The following MLLT3 variants were observed in gnomAD, a reference collection of about 807,000 sequenced individuals.
MLLT3 encodes protein AF-9.
In MLLT3, 4 loss-of-function variants were observed where a neutral mutation model predicts 53.2. The ratio of observed to expected loss-of-function variants is 0.08; its 90% CI spans 0.04 to 0.17. The LOEUF is 0.17. Among genes scored for constraint, MLLT3 ranks in the 10% least tolerant of loss-of-function variants. The probability of loss-of-function intolerance (pLI) is 1.00; values close to 1 mark genes in which losing one functional copy is unlikely to be tolerated. For missense variants in MLLT3, 569 were observed against 684.0 expected, an observed-to-expected ratio of 0.83 and a Z score of 1.87; for synonymous variants, 283 against 230.6, an observed-to-expected ratio of 1.23 and a Z score of -2.06.
At chr9:20,377,063 C>T (rs1196611830) in intron 5 of MLLT3, among the ~76,000 whole-genome samples, 1 of 151,912 alleles carries the variant, frequency 6.6e-6, no homozygotes, top group Non-Finnish European at 1.5e-5. Flanking sequence ...TTGAGAGTGA[C>T]GGGTAGAGAA....
intron 2 of MLLT3, among the ~76,000 whole-genome samples, chr9:20,613,115 T>G (rs558455512): frequency 1.3e-5 from 2 of 152,098 alleles, no homozygotes; most frequent in Non-Finnish European, 2.9e-5. Context: ...TGGCTCTTTA[T>G]AGATGAAATG....
intron 5 of MLLT3, among the ~76,000 whole-genome samples, chr9:20,393,658 C>T (rs1822247275): frequency 6.6e-6 from 1 of 152,160 alleles, no homozygotes. Flanking sequence ...ACTCCAACAG[C>T]TATGCCTTAC....
At chr9:20,514,168 G>A (rs1037544087) in intron 2 of MLLT3, among the ~76,000 whole-genome samples, 2 of 152,198 alleles carry the variant, frequency 1.3e-5, no homozygotes, top group Non-Finnish European at 2.9e-5. Flanking sequence ...TGGAAGTGTA[G>A]GGGTGTACAT....
At chr9:20,523,695 T>C (rs900728515) in intron 2 of MLLT3, among the ~76,000 whole-genome samples, 1 of 151,994 alleles carries the variant, frequency 6.6e-6, no homozygotes, top group Non-Finnish European at 1.5e-5. Flanking sequence ...ATGGGCCGGA[T>C]GGGGTGGCTC....
At chr9:20,384,224 T>C (rs1304219548) in intron 5 of MLLT3, among the ~76,000 whole-genome samples, 2 of 152,146 alleles carry the variant, frequency 1.3e-5, no homozygotes, top group East Asian at 3.9e-4. Context: ...GCAGAAATAT[T>C]TGTCTGTAGT....
chr9:20,526,753 C>A (rs757620831), intron 2 of MLLT3, among the ~76,000 whole-genome samples: 59 of 152,182 alleles, frequency 3.9e-4, no homozygotes, highest in Non-Finnish European at 7.4e-4. Flanking sequence ...GTGCTCACAT[C>A]AATTTACATT....
chr9:20,443,153 G>A (rs1823595819), intron 4 of MLLT3, among the ~76,000 whole-genome samples: 1 of 151,870 alleles, frequency 6.6e-6, no homozygotes, highest in Non-Finnish European at 1.5e-5. Context: ...AAGAAAGAAA[G>A]GCAGCAGGAA....
intron 5 of MLLT3, among the ~76,000 whole-genome samples, chr9:20,366,365 G>A (rs993130100): frequency 2.0e-5 from 3 of 152,184 alleles, no homozygotes; most frequent in African/African-American, 7.2e-5. Context: ...TCCCTGCAAA[G>A]GACATGAACT....
chr9:20,553,521 C>G (rs1228258338), intron 2 of MLLT3, among the ~76,000 whole-genome samples: 3 of 152,200 alleles, frequency 2.0e-5, no homozygotes, highest in Non-Finnish European at 2.9e-5. Flanking sequence ...ATTCAACAAA[C>G]ACACTGAACA....
At chr9:20,408,853 A>G (rs979446908) in intron 5 of MLLT3, among the ~76,000 whole-genome samples, 3 of 152,306 alleles carry the variant, frequency 2.0e-5, no homozygotes, top group African/African-American at 7.2e-5. Flanking sequence ...GAAATGAGAA[A>G]CAACAAAAGA....
chr9:20,384,524 A>G (rs928745594), intron 5 of MLLT3, among the ~76,000 whole-genome samples: 7 of 152,102 alleles, frequency 4.6e-5, no homozygotes, highest in Non-Finnish European at 7.4e-5. Flanking sequence ...GTCAATGTTA[A>G]TGTTATCCAA....
chr9:20,383,552 C>T (rs1049058143), intron 5 of MLLT3, among the ~76,000 whole-genome samples: 5 of 151,744 alleles, frequency 3.3e-5, no homozygotes, highest in African/African-American at 7.3e-5. Context: ...CAATTCATAT[C>T]GCTAATGTTA....
rs1306826467 is a variant in MLLT3 at position 20,521,729 on chromosome 9, T to C, written c.194-64943A>G. On this transcript the variant is annotated intron_variant, in intron 2 of 10. Coordinates refer to ENST00000380338, the MANE Select transcript of MLLT3 (RefSeq NM_004529.4). ...GAAAAAGAAAATTCAGTGCTTTCTG[T>C]TCTTTAAATAGGTATTGAATCCTGG... Among the ~76,000 whole-genome samples, 6 of 152,208 alleles carry C rather than the reference T, an allele frequency of 3.9e-5. 1 individual carries two copies. In the East Asian group the frequency reaches 1.2e-3, roughly 29 times the overall value.
chr9:20,554,677 G>A (rs1383359073), intron 2 of MLLT3, among the ~76,000 whole-genome samples: 14 of 152,248 alleles, frequency 9.2e-5, no homozygotes, highest in Non-Finnish European at 1.6e-4. Context: ...CTTTCCCTCT[G>A]TAAAATACAT....
chr9:20,490,654 G>C (rs373574606), intron 2 of MLLT3, among the ~76,000 whole-genome samples: 1 of 152,234 alleles, frequency 6.6e-6, no homozygotes, highest in East Asian at 1.9e-4. Flanking sequence ...CCCAGCTTCT[G>C]ACCCAGAGAA....
intron 7 of MLLT3, among the ~76,000 whole-genome samples, chr9:20,361,722 A>G (rs937524848): frequency 2.6e-5 from 4 of 152,134 alleles, no homozygotes; most frequent in African/African-American, 7.2e-5. Flanking sequence ...CCACAATAGG[A>G]GAGATTTATT....
Position 20,579,060 on chromosome 9 carries a change from G to C in MLLT3, c.193+41594C>G, listed in dbSNP as rs189338900. 2.3e-3 allele frequency among the ~76,000 whole-genome samples: 353 copies of C among 152,180 alleles called. 1 individual carries two copies. The highest frequency in any genetic ancestry group is 7.9e-3 in the African/African-American group (327 of 41,520). ...ACATTTAACAATTTTTGAAAGAAGG[G>C]TTAAGAACAGGATAAATCAAGCCAG... On this transcript the variant is annotated intron_variant, in intron 2 of 10. Transcript: ENST00000380338.
chr9:20,457,811 G>C (rs1376430721), intron 2 of MLLT3, among the ~76,000 whole-genome samples: 1 of 152,106 alleles, frequency 6.6e-6, no homozygotes, highest in African/African-American at 2.4e-5. Context: ...AGCCAAACAG[G>C]ATTTCATTCC....
In MLLT3 at chr9:20,351,681, A is replaced by T. The variant is rs1017850754; in HGVS notation, c.1575+1844T>A. ...ATGCATTTAACAGGAAAGGACCTAG[A>T]TGTGATCCTGGGCCCACCAGAAATT... On this transcript the variant is annotated intron_variant, in intron 10 of 10. Transcript: ENST00000380338. 2.0e-5 allele frequency among the ~76,000 whole-genome samples: 3 copies of T among 152,324 alleles called. No homozygotes were observed. The East Asian group carries it at 5.8e-4, about 29-fold the overall frequency.
Sources: gnomAD v4.1 joint callset for allele counts (sites outside exome capture counted in the v4.1 genomes callset) on GRCh38, gnomAD v4.1.1 for gene constraint, MANE v1.5 for transcripts, NCBI Gene and HGNC (gene_info 2026-07-23, HGNC 2026-07-21) for gene names.